L2HGDH: variants seen among roughly 807,000 people sequenced by gnomAD.
L2HGDH encodes L-2-hydroxyglutarate dehydrogenase.
Under a neutral mutation model 51.5 loss-of-function variants are expected in L2HGDH, and 34 were observed. That is an observed-to-expected ratio of 0.66 (90% CI 0.50 to 0.88). The LOEUF is 0.88. Among genes scored for constraint, L2HGDH ranks in the 40% least tolerant of loss-of-function variants. L2HGDH has a pLI of 0.00. For synonymous variants in L2HGDH, 198 were observed against 197.9 expected (o/e 1.00, Z -0.01); for missense variants, 558 against 571.9 (o/e 0.98, Z 0.25).
chr14:50,301,101 C>T (rs2030383755), intron 3 of L2HGDH, among the ~76,000 whole-genome samples: 1 of 152,202 alleles, frequency 6.6e-6, no homozygotes, highest in South Asian at 2.1e-4. Flanking sequence ...AGACACTCAA[C>T]ATCATTATCA....
At chr14:50,247,407 T>C (rs1888070858) in intron 9 of L2HGDH, among the ~76,000 whole-genome samples, 154 bp from the exon 10 acceptor site, 1 of 152,230 alleles carries the variant, frequency 6.6e-6, no homozygotes, top group African/African-American at 2.4e-5. Flanking sequence ...AGGCTGTCAG[T>C]TGTAGCCTGT....
intron 9 of L2HGDH, among the ~76,000 whole-genome samples, chr14:50,258,525 A>AT (rs948141367): frequency 7.0e-6 from 1 of 142,034 alleles, no homozygotes; most frequent in African/African-American, 2.6e-5. Flanking sequence ...GCCCAGTCTT[A>AT]TTTTTTGAGA....
intron 3 of L2HGDH, among the ~76,000 whole-genome samples, chr14:50,298,181 T>C (rs918250180): frequency 6.9e-6 from 1 of 144,114 alleles, no homozygotes; most frequent in African/African-American, 2.6e-5. Flanking sequence ...GAGGTGGAGG[T>C]TGCAGTGAGC....
chr14:50,280,121 C>T (rs1266926299), intron 5 of L2HGDH, among the ~76,000 whole-genome samples: 8 of 150,042 alleles, frequency 5.3e-5, no homozygotes, highest in South Asian at 2.1e-4. Context: ...ATTACTCCTT[C>T]GTGACCCTGA....
chr14:50,309,003 A>G (rs551291248), intron 1 of L2HGDH, among the ~76,000 whole-genome samples: 1 of 141,252 alleles, frequency 7.1e-6, no homozygotes, highest in Non-Finnish European at 1.6e-5. Flanking sequence ...TGTGAAAAAA[A>G]GCCAATCTCC....
intron 4 of L2HGDH, among the ~76,000 whole-genome samples, chr14:50,291,197 CAAAAAAAAAA>C (rs1159640500): frequency 0.034 from 1,035 of 30,698 alleles, 12 homozygotes; most frequent in African/African-American, 0.081. Context: ...GACTCCGTCT[CAAAAAAAAAA>C]AAAAAAAAAA....
chr14:50,301,874 CT>C (rs1386919773), intron 3 of L2HGDH, 142 bp downstream of exon 3: 3 of 828,952 alleles, frequency 3.6e-6, no homozygotes, highest in East Asian at 2.7e-5. Context: ...GTCACACCAT[CT>C]TTTTTTAGTT....
chr14:50,294,888 A>T (rs1051177971), intron 3 of L2HGDH, among the ~76,000 whole-genome samples: 2 of 152,242 alleles, frequency 1.3e-5, no homozygotes, highest in Non-Finnish European at 2.9e-5. Flanking sequence ...ACACAGGTGC[A>T]TATTCGAAGG....
intron 1 of L2HGDH, among the ~76,000 whole-genome samples, chr14:50,303,803 G>A (rs1557010): frequency 6.4e-5 from 8 of 125,924 alleles, no homozygotes; most frequent in South Asian, 2.4e-4. Flanking sequence ...AAAAAAGTTA[G>A]ACGCATTAAA....
rs1888648043 is a variant in L2HGDH at position 50,256,018 on chromosome 14, A to T, written c.1197-8765T>A. On this transcript the variant is annotated intron_variant, in intron 9 of 9. Transcript: ENST00000267436. ...ACTCCGTCTCAAAAAAAGAAAAAAAAATATGTCCAGAAACAAGAACAGCTG... is the reference window on the plus strand; with the variant it reads ...ACTCCGTCTCAAAAAAAGAAAAAAATATATGTCCAGAAACAAGAACAGCTG... Among the ~76,000 whole-genome samples the T allele has an allele frequency of 2.0e-5, 3 of 152,200 alleles. 1 individual carries two copies. The South Asian group carries it at 6.2e-4, about 32-fold the overall frequency.
intron 6 of L2HGDH, among the ~76,000 whole-genome samples, chr14:50,278,001 A>G (rs568437343): frequency 5.2e-4 from 79 of 152,208 alleles, no homozygotes; most frequent in African/African-American, 1.8e-3. Context: ...AAACTTCCAC[A>G]ATTGTGTAAG....
At chr14:50,290,079 C>A (rs964108650) in intron 4 of L2HGDH, among the ~76,000 whole-genome samples, 4 of 152,140 alleles carry the variant, frequency 2.6e-5, no homozygotes, top group Admixed American at 6.5e-5. Context: ...TCCTGGCTAA[C>A]AAGGTGAAAC....
chr14:50,272,410 T>A (rs920374276), intron 6 of L2HGDH, among the ~76,000 whole-genome samples: 5 of 152,338 alleles, frequency 3.3e-5, no homozygotes, highest in African/African-American at 1.2e-4. Context: ...GCCTGCCACC[T>A]GGGTCACATG....
In L2HGDH at chr14:50,295,879, C is replaced by T. The variant is rs191394120; in HGVS notation, c.409-1633G>A. 5.0e-3 allele frequency among the ~76,000 whole-genome samples: 765 copies of T among 151,736 alleles called. 4 individuals are homozygous for T. Among genetic ancestry groups the T allele is most frequent in the Non-Finnish European group, 7.6e-3 (519 of 67,958 alleles). The stretch of plus-strand genomic sequence containing the variant: ...TCAGCCTCCCAAGTAGCTGAGATTA[C>T]AGACGCCTGCCACCATGCCCAGCTA... On this transcript the variant is annotated intron_variant, in intron 3 of 9. Transcript: ENST00000267436.
chr14:50,296,771 T>C (rs1385858531), intron 3 of L2HGDH, among the ~76,000 whole-genome samples: 2 of 152,166 alleles, frequency 1.3e-5, no homozygotes, highest in African/African-American at 4.8e-5. Flanking sequence ...GTGCTCTGGT[T>C]TCTCTTCAGA....
chr14:50,270,948 A>G (rs570784461), intron 6 of L2HGDH, among the ~76,000 whole-genome samples: 1 of 152,320 alleles, frequency 6.6e-6, no homozygotes, highest in South Asian at 2.1e-4. Flanking sequence ...CAACTTCTCC[A>G]TAATGAATTC....
At position 50,260,149 on chromosome 14, in the gene L2HGDH, C is replaced by T. The variant is rs564788828; in HGVS notation, c.1196+5209G>A. ...GGATTCTAGATTTTGGGGAAGATTC[C>T]TCCCACTCCCCATCCCCAAGACCAA... On this transcript the variant is annotated intron_variant, in intron 9 of 9. Transcript: ENST00000267436. 6.0e-4 allele frequency among the ~76,000 whole-genome samples: 92 copies of T among 152,210 alleles called. No individual in the cohort carries two copies. The Middle Eastern group carries it at 0.017, about 28-fold the overall frequency.
chr14:50,267,406 T>C (rs1889406444), intron 8 of L2HGDH, among the ~76,000 whole-genome samples: 1 of 152,050 alleles, frequency 6.6e-6, no homozygotes, highest in Admixed American at 6.6e-5. Flanking sequence ...ATGGTCTTGA[T>C]CTCCTGACCT....
Position 50,243,221 on chromosome 14 carries a change from G to T in L2HGDH, c.*3837C>A. 1.0e-6 allele frequency: 1 copy of T among 985,372 alleles called. No individual in the cohort carries two copies. The highest frequency in any genetic ancestry group is 1.2e-6 in the Non-Finnish European group (1 of 829,910). 61.0% of individuals were successfully genotyped at this position (985,372 alleles called of 1,614,324 possible). ...ATAAAAGAGTTAAGCTACGTAACAT[G>T]AAACACCAAAAATATACTTGCTGGT... On this transcript the variant is annotated 3_prime_UTR_variant, in exon 10 of 10. Coordinates refer to ENST00000267436, the MANE Select transcript of L2HGDH (RefSeq NM_024884.3).
Sources: gnomAD v4.1 joint callset for allele counts (sites outside exome capture counted in the v4.1 genomes callset) on GRCh38, gnomAD v4.1.1 for gene constraint, MANE v1.5 for transcripts, NCBI Gene and HGNC (gene_info 2026-07-23, HGNC 2026-07-21) for gene names.